The following TMEM132D variants were observed in gnomAD, a reference collection of about 807,000 sequenced individuals.
The protein encoded by TMEM132D is transmembrane protein 132D, also known as mature OL transmembrane protein.
Under a neutral mutation model 62.3 loss-of-function variants are expected in TMEM132D, and 21 were observed. The observed-to-expected ratio is 0.34, with a 90% CI of 0.24 to 0.49. TMEM132D has a LOEUF of 0.49. TMEM132D is among the 20% of genes least tolerant of loss of function. The pLI is 0.99. For synonymous variants in TMEM132D, 621 were observed against 575.6 expected, an observed-to-expected ratio of 1.08 and a Z score of -1.13; for missense variants, 1,346 against 1,402.8, an observed-to-expected ratio of 0.96 and a Z score of 0.65.
At chr12:129,174,038 C>T (rs1877825041) in intron 5 of TMEM132D, among the ~76,000 whole-genome samples, 1 of 152,152 alleles carries the variant, frequency 6.6e-6, no homozygotes, top group Non-Finnish European at 1.5e-5. Flanking sequence ...ACAAACGTAG[C>T]CTGGTTACAT....
chr12:129,343,393 A>T (rs764922810), intron 3 of TMEM132D, among the ~76,000 whole-genome samples: 3 of 144,768 alleles, frequency 2.1e-5, no homozygotes, highest in Non-Finnish European at 4.5e-5. Context: ...ACATGGACAG[A>T]GGAAGAGGAA....
chr12:129,755,287 C>A (rs1870129749), intron 1 of TMEM132D, among the ~76,000 whole-genome samples: 1 of 152,196 alleles, frequency 6.6e-6, no homozygotes, highest in South Asian at 2.1e-4. Context: ...GCCAGTCTTA[C>A]CATCTCTCTG....
intron 5 of TMEM132D, among the ~76,000 whole-genome samples, chr12:129,171,965 C>A (rs917870748): frequency 3.9e-5 from 6 of 152,172 alleles, no homozygotes; most frequent in African/African-American, 1.2e-4. Flanking sequence ...TCAGCCTGTC[C>A]TTTGGAGCTC....
At chr12:129,244,401 AAAAAAAAACAAAC>A (rs1332170946) in intron 4 of TMEM132D, among the ~76,000 whole-genome samples, 1 of 151,100 alleles carries the variant, frequency 6.6e-6, no homozygotes, top group East Asian at 2.0e-4. Context: ...AAAAAAAAAA[AAAAAAAAACAAAC>A]AAAAAGGAAC....
At chr12:129,457,842 T>C (rs1873526620) in intron 3 of TMEM132D, among the ~76,000 whole-genome samples, 1 of 152,242 alleles carries the variant, frequency 6.6e-6, no homozygotes, top group East Asian at 1.9e-4. Flanking sequence ...GATCCCATGA[T>C]TCAATCACCC....
chr12:129,770,846 T>C (rs1177495573), intron 1 of TMEM132D, among the ~76,000 whole-genome samples: 1 of 152,236 alleles, frequency 6.6e-6, no homozygotes, highest in African/African-American at 2.4e-5. Flanking sequence ...CTGCTCAAAG[T>C]ATGGTCTCTA....
At chr12:129,688,963 A>T (rs1012575483) in intron 2 of TMEM132D, among the ~76,000 whole-genome samples, 2 of 152,078 alleles carry the variant, frequency 1.3e-5, no homozygotes, top group Non-Finnish European at 2.9e-5. Context: ...TCCCTTGGGG[A>T]TATCTGGCAA....
In TMEM132D at chr12:129,871,448, C is replaced by G. The variant is rs1430510261; in HGVS notation, c.79+31813G>C. ...TCCAGCTGAGACAGAAGGCAGAGTACCTCAGCCTTGTAGTTAAAAAGGCAA... is the reference window on the plus strand; with the variant it reads ...TCCAGCTGAGACAGAAGGCAGAGTAGCTCAGCCTTGTAGTTAAAAAGGCAA... On this transcript the variant is annotated intron_variant, in intron 1 of 8. Transcript: ENST00000422113. Among the ~76,000 whole-genome samples the G allele has an allele frequency of 3.9e-5, 6 of 152,188 alleles. No homozygotes were observed. In the East Asian group the frequency reaches 1.2e-3, roughly 29 times the overall value.
intron 2 of TMEM132D, among the ~76,000 whole-genome samples, chr12:129,574,999 G>T (rs1160853065): frequency 6.6e-6 from 1 of 151,606 alleles, no homozygotes; most frequent in Non-Finnish European, 1.5e-5. Context: ...TGCAGTCAAC[G>T]CTCCTAAGGA....
chr12:129,301,502 C>T (rs546207795), intron 4 of TMEM132D, among the ~76,000 whole-genome samples: 94 of 152,174 alleles, frequency 6.2e-4, no homozygotes, highest in African/African-American at 2.0e-3. Context: ...CTTCCTCATG[C>T]GACCTGCTTC....
intron 3 of TMEM132D, among the ~76,000 whole-genome samples, chr12:129,399,842 T>G (rs1407989807): frequency 6.6e-6 from 1 of 151,782 alleles, no homozygotes; most frequent in East Asian, 1.9e-4. Flanking sequence ...TATACACTGA[T>G]GAACAGGGAA....
At chr12:129,571,594 A>C (rs1415502895) in intron 2 of TMEM132D, among the ~76,000 whole-genome samples, 1 of 152,042 alleles carries the variant, frequency 6.6e-6, no homozygotes, top group East Asian at 1.9e-4. Flanking sequence ...TAATAATAAA[A>C]AAGAAATTTA....
At chr12:129,142,643 A>T (rs1320920317) in intron 5 of TMEM132D, among the ~76,000 whole-genome samples, 6 of 152,252 alleles carry the variant, frequency 3.9e-5, no homozygotes, top group Admixed American at 2.0e-4. Flanking sequence ...TGACTAACAC[A>T]TCATTGTTTA....
chr12:129,119,635 C>A (rs1875998112), intron 5 of TMEM132D, among the ~76,000 whole-genome samples: 1 of 152,096 alleles, frequency 6.6e-6, no homozygotes, highest in African/African-American at 2.4e-5. Context: ...AATCCAAATT[C>A]AGCACTAACT....
At position 129,729,411 on chromosome 12, in the gene TMEM132D, T is replaced by C. The variant is rs374553965; in HGVS notation, c.80-28713A>G. Reference sequence around the variant, plus strand: ...AGAAAACTTAGCATCATCTTTGGCCTCTAGTCAATACATGTTAGTAGCACC... The same window carrying C: ...AGAAAACTTAGCATCATCTTTGGCCCCTAGTCAATACATGTTAGTAGCACC... On this transcript the variant is annotated intron_variant, in intron 1 of 8. Transcript: ENST00000422113. Among the ~76,000 whole-genome samples, 29 of 152,298 alleles carry C rather than the reference T, an allele frequency of 1.9e-4. No individual in the cohort carries two copies. The East Asian group carries it at 2.3e-3, about 12-fold the overall frequency.
intron 3 of TMEM132D, among the ~76,000 whole-genome samples, chr12:129,460,284 G>C (rs1444814647): frequency 5.3e-5 from 8 of 152,148 alleles, no homozygotes; most frequent in Non-Finnish European, 1.0e-4. Context: ...CATCTCTGTG[G>C]ATAGTTAAGG....
At chr12:129,325,797 A>AGGG (rs1472214321) in intron 4 of TMEM132D, among the ~76,000 whole-genome samples, 1 of 152,226 alleles carries the variant, frequency 6.6e-6, no homozygotes, top group East Asian at 1.9e-4. Flanking sequence ...CCCTTAAATC[A>AGGG]GTTTCCAGTT....
At chr12:129,584,561 C>T (rs1266805802) in intron 2 of TMEM132D, among the ~76,000 whole-genome samples, 10 of 152,174 alleles carry the variant, frequency 6.6e-5, no homozygotes, top group Admixed American at 4.6e-4. Context: ...AAGCAAGCCA[C>T]CCGGAGACAG....
At chr12:129,895,970 TTTTTTTTTTTTTTG>T (rs1440475639) in intron 1 of TMEM132D, among the ~76,000 whole-genome samples, 1 of 149,570 alleles carries the variant, frequency 6.7e-6, no homozygotes, top group Non-Finnish European at 1.5e-5. Context: ...TCTCTTTTTT[TTTTTTTTTTTTTTG>T]TTTGGAGACA....
Sources: allele counts gnomAD v4.1 joint callset (sites outside exome capture counted in the v4.1 genomes callset), GRCh38; gene constraint gnomAD v4.1.1; transcripts MANE v1.5; gene names NCBI Gene and HGNC (gene_info 2026-07-23, HGNC 2026-07-21).